The following PPP4R4 variants were observed in gnomAD, a reference collection of about 807,000 sequenced individuals.
PPP4R4 encodes the protein serine/threonine-protein phosphatase 4 regulatory subunit 4.
In PPP4R4, 70 loss-of-function variants were observed where a neutral mutation model predicts 121.8. The observed-to-expected ratio is 0.57, with a 90% CI of 0.47 to 0.70. The LOEUF is 0.70. Ranked by LOEUF, PPP4R4 falls within the 30% of genes least tolerant of loss-of-function variation. PPP4R4 has a pLI of 0.00. For missense variants in PPP4R4, 875 were observed against 1,033.6 expected (o/e 0.85, Z 2.10); for synonymous variants, 348 against 355.7 (o/e 0.98, Z 0.24).
Position 94,271,146 on chromosome 14 carries a change from G to A in PPP4R4, c.2449+4117G>A, listed in dbSNP as rs566331884. Among the ~76,000 whole-genome samples, 21 of 152,228 alleles carry A rather than the reference G, an allele frequency of 1.4e-4. No homozygotes were observed. The South Asian group carries it at 3.7e-3, about 27-fold the overall frequency. ...CTACAATCTCTTTCACAAGATAGAA[G>A]CAACGGGAATACACCCTAACTCATT... On this transcript the variant is annotated intron_variant, in intron 23 of 24. Coordinates refer to ENST00000304338, the MANE Select transcript of PPP4R4 (RefSeq NM_058237.2).
At chr14:94,180,998 A>G (rs1888955413) in intron 2 of PPP4R4, among the ~76,000 whole-genome samples, 1 of 152,154 alleles carries the variant, frequency 6.6e-6, no homozygotes, top group Non-Finnish European at 1.5e-5. Flanking sequence ...ACAGTAAGGA[A>G]GAACTCCAGT....
chr14:94,250,075 T>G (rs1020207746), intron 14 of PPP4R4, 97 bp from the exon 15 acceptor site: 9 of 757,674 alleles, frequency 1.2e-5, no homozygotes, highest in Non-Finnish European at 1.9e-5. Flanking sequence ...AGTGAACACT[T>G]TAGTTTTGTC....
intron 3 of PPP4R4, among the ~76,000 whole-genome samples, chr14:94,209,703 C>T (rs1890643573): frequency 6.6e-6 from 1 of 152,116 alleles, no homozygotes; most frequent in Non-Finnish European, 1.5e-5. Context: ...CTGACCTACA[C>T]TTGTCAGCAT....
intron 1 of PPP4R4, among the ~76,000 whole-genome samples, chr14:94,175,243 C>A (rs563364403): frequency 1.3e-5 from 2 of 152,068 alleles, no homozygotes; most frequent in South Asian, 4.2e-4. Context: ...AGCCAGCACT[C>A]TTTCTCAGTG....
chr14:94,215,191 G>C (rs746968888), intron 3 of PPP4R4, among the ~76,000 whole-genome samples: 1 of 152,088 alleles, frequency 6.6e-6, no homozygotes, highest in Non-Finnish European at 1.5e-5. Flanking sequence ...TAACAGCTCC[G>C]TGTGATGTAT....
intron 19 of PPP4R4, among the ~76,000 whole-genome samples, chr14:94,261,770 A>G (rs571392391): frequency 1.3e-5 from 2 of 151,998 alleles, no homozygotes; most frequent in African/African-American, 2.4e-5. Context: ...GTTTTTATGA[A>G]TGGTTGTTGC....
At chr14:94,262,233 A>C (rs1240586953) in intron 19 of PPP4R4, among the ~76,000 whole-genome samples, 1 of 151,988 alleles carries the variant, frequency 6.6e-6, no homozygotes, top group Non-Finnish European at 1.5e-5. Flanking sequence ...TAGACATTAG[A>C]TAATGTAGAT....
intron 3 of PPP4R4, among the ~76,000 whole-genome samples, chr14:94,216,176 T>C (rs1431619222): frequency 6.6e-6 from 1 of 152,238 alleles, no homozygotes; most frequent in Non-Finnish European, 1.5e-5. Context: ...TTCACTTCCA[T>C]TTAGGATATA....
rs1026649770 is a variant in PPP4R4, at chr14:94,265,718, G to A, written c.2285-76G>A. The A allele has an allele frequency of 4.6e-6, 5 of 1,082,480 alleles. No individual in the cohort carries two copies. In the East Asian group the frequency reaches 1.2e-4, roughly 26 times the overall value. 67.1% of individuals were successfully genotyped at this position (1,082,480 alleles called of 1,614,324 possible). ...CTGTGTTTTACTGAAAATGATGGTA[G>A]TTGGGGAGGGAATGGGGGTTGGAGC... is the stretch of plus-strand genomic sequence containing the variant. On this transcript the variant is annotated intron_variant, in intron 21 of 24. Coordinates refer to ENST00000304338, the MANE Select transcript of PPP4R4 (RefSeq NM_058237.2).
At chr14:94,218,043 G>A (rs763316368) in intron 3 of PPP4R4, among the ~76,000 whole-genome samples, 6 of 152,178 alleles carry the variant, frequency 3.9e-5, no homozygotes, top group African/African-American at 7.2e-5. Flanking sequence ...CTGAGATGAC[G>A]CATTTCTTCA....
At chr14:94,218,228 A>G (rs1380865232) in intron 3 of PPP4R4, among the ~76,000 whole-genome samples, 1 of 152,142 alleles carries the variant, frequency 6.6e-6, no homozygotes. Flanking sequence ...TCAGAAAGAG[A>G]AAGGAGAAAT....
rs1377762440 is a variant in PPP4R4 at position 94,234,657 on chromosome 14, C to A, written c.719C>A (p.Ala240Asp). 2 of 1,583,978 alleles carry A rather than the reference C, an allele frequency of 1.3e-6. No individual in the cohort carries two copies. Among genetic ancestry groups the A allele is most frequent in the Non-Finnish European group, 1.7e-6 (2 of 1,153,172 alleles). Residue 240 changes from alanine to aspartate, a missense_variant, in exon 7 of 25, where the codon GCC (alanine) becomes GAC (aspartate). Coordinates refer to ENST00000304338, the MANE Select transcript of PPP4R4 (RefSeq NM_058237.2). ...ATGTGTCGGCAATTAGAAAATATAGCCCAGGGCATTGGGTAGGTATACTTT... is the reference window on the plus strand; with the variant it reads ...ATGTGTCGGCAATTAGAAAATATAGACCAGGGCATTGGGTAGGTATACTTT... ...SCMCRQLENI[A>D]QGIGTELTKS... is the part of the protein sequence containing the mutation.
Position 94,221,460 on chromosome 14 carries a change from CTG to C in PPP4R4, c.295-9123_295-9122del, listed in dbSNP as rs537329206. Among the ~76,000 whole-genome samples, 245 of 152,168 alleles carry C rather than the reference CTG, an allele frequency of 1.6e-3. 2 individuals carry two copies. The highest frequency in any genetic ancestry group is 5.7e-3 in the African/African-American group (236 of 41,556). ...TGTAAATCACATAGATGACAAAGGACTGTGTTCAGAATTCATAAAGAACTTCT... is the reference window on the plus strand; with the variant it reads ...TGTAAATCACATAGATGACAAAGGACTGTTCAGAATTCATAAAGAACTTCT... On this transcript the variant is annotated intron_variant, in intron 3 of 24. Transcript: ENST00000304338.
At chr14:94,176,420 G>GT (rs1375432888) in intron 2 of PPP4R4, among the ~76,000 whole-genome samples, 6 of 152,082 alleles carry the variant, frequency 3.9e-5, no homozygotes, top group Non-Finnish European at 7.4e-5. Flanking sequence ...TTTTTCTCGC[G>GT]TAAGATTCAG....
intron 2 of PPP4R4, among the ~76,000 whole-genome samples, chr14:94,199,598 C>T (rs2139425675): frequency 6.6e-6 from 1 of 152,158 alleles, no homozygotes; most frequent in African/African-American, 2.4e-5. Flanking sequence ...AGAATAAGTG[C>T]AAGGTTGTAT....
At chr14:94,181,147 A>G (rs916073214) in intron 2 of PPP4R4, among the ~76,000 whole-genome samples, 1 of 151,988 alleles carries the variant, frequency 6.6e-6, no homozygotes, top group South Asian at 2.1e-4. Context: ...CCCCACATTT[A>G]CTTTCATTAT....
At chr14:94,218,672 ACACT>A (rs1277506861) in intron 3 of PPP4R4, among the ~76,000 whole-genome samples, 5 of 104,776 alleles carry the variant, frequency 4.8e-5, no homozygotes, top group African/African-American at 1.1e-4. Context: ...GCACACACAC[ACACT>A]CACCCCTAGA....
In PPP4R4 at chr14:94,232,902, C is replaced by T. The variant is rs375198168; in HGVS notation, c.517-751C>T. On this transcript the variant is annotated intron_variant, in intron 5 of 24. Coordinates refer to ENST00000304338, the MANE Select transcript of PPP4R4 (RefSeq NM_058237.2). ...TGAAACCCCGTCTCTACTAAAAATA[C>T]AAAAAATTAGCTGGGCGTGGTGGCA... Among the ~76,000 whole-genome samples the T allele has an allele frequency of 3.3e-5, 5 of 150,826 alleles. No homozygotes were observed. The East Asian group carries it at 7.7e-4, about 23-fold the overall frequency.
intron 2 of PPP4R4, among the ~76,000 whole-genome samples, chr14:94,183,191 A>C (rs1363096342): frequency 6.6e-6 from 1 of 152,136 alleles, no homozygotes; most frequent in African/African-American, 2.4e-5. Flanking sequence ...TGGATATTGG[A>C]GTCTACCTGC....
Sources: allele counts gnomAD v4.1 joint callset (sites outside exome capture counted in the v4.1 genomes callset), GRCh38; gene constraint gnomAD v4.1.1; transcripts MANE v1.5; gene names NCBI Gene and HGNC (gene_info 2026-07-23, HGNC 2026-07-21).